The following PDE1C variants were observed in gnomAD, a reference collection of about 807,000 sequenced individuals.
The protein encoded by PDE1C is dual specificity calcium/calmodulin-dependent 3',5'-cyclic nucleotide phosphodiesterase 1C.
In PDE1C, 62 loss-of-function variants were observed where a neutral mutation model predicts 93.1. The ratio of observed to expected loss-of-function variants is 0.67; its 90% CI spans 0.54 to 0.82. The LOEUF (loss-of-function observed/expected upper bound fraction) is 0.82. Ranked by LOEUF, PDE1C falls within the 40% of genes least tolerant of loss-of-function variation. The pLI, the probability that PDE1C is intolerant of heterozygous loss-of-function variation, is 0.00. For synonymous variants in PDE1C, 325 were observed against 310.1 expected, an observed-to-expected ratio of 1.05 and a Z score of -0.50; for missense variants, 742 against 884.6, an observed-to-expected ratio of 0.84 and a Z score of 2.04.
intron 1 of PDE1C, among the ~76,000 whole-genome samples, chr7:32,246,190 A>G (rs1001205280): frequency 6.6e-5 from 10 of 151,860 alleles, no homozygotes; most frequent in African/African-American, 2.2e-4. Context: ...GCTGGTCTCA[A>G]ATTCCTGGGC....
At chr7:31,628,157 A>G in the PDE1C span, among the ~76,000 whole-genome samples, 5 of 152,216 alleles carry the variant, frequency 3.3e-5, no homozygotes, top group African/African-American at 9.6e-5. Context: ...GCCATTTTCA[A>G]AAAGTGCCCT....
chr7:31,643,584 T>A, the PDE1C span: 1 of 1,614,030 alleles, frequency 6.2e-7, no homozygotes, highest in Non-Finnish European at 8.5e-7. Context: ...TAGAATGCAC[T>A]GTGTGTGATC....
intron 2 of PDE1C, among the ~76,000 whole-genome samples, chr7:31,976,301 G>C (rs1811656018): frequency 1.3e-5 from 2 of 152,152 alleles, no homozygotes; most frequent in African/African-American, 2.4e-5. Context: ...AATGATATAT[G>C]AAAGGATAAA....
intron 5 of PDE1C, among the ~76,000 whole-genome samples, chr7:31,873,893 T>A (rs1332347753): frequency 1.3e-5 from 2 of 152,210 alleles, no homozygotes; most frequent in African/African-American, 2.4e-5. Flanking sequence ...CAGCCTACGA[T>A]GCTTCTCTTC....
rs917007105 is a variant in PDE1C, at chr7:32,247,038, T to A, written c.86-37499A>T. ...AACCTTATAGGGTCAATACTGTAAG[T>A]ACATAAATTAGTGCTGTGGAAATCC... On this transcript the variant is annotated intron_variant, in intron 1 of 18. Transcript: ENST00000396193. Among the ~76,000 whole-genome samples, 5 of 152,188 alleles carry A rather than the reference T, an allele frequency of 3.3e-5. No individual in the cohort carries two copies. The South Asian group carries it at 6.2e-4, about 19-fold the overall frequency.
chr7:32,152,893 A>G (rs984793165), intron 3 of PDE1C, among the ~76,000 whole-genome samples: 1 of 152,216 alleles, frequency 6.6e-6, no homozygotes, highest in African/African-American at 2.4e-5. Flanking sequence ...TAAGGCATAG[A>G]TATTAAGACT....
At chr7:31,912,240 TCA>T (rs376287848) in intron 2 of PDE1C, among the ~76,000 whole-genome samples, 38 of 152,302 alleles carry the variant, frequency 2.5e-4, no homozygotes, top group African/African-American at 6.7e-4. Flanking sequence ...CCTTACAATC[TCA>T]CAGTTTTATT....
intron 3 of PDE1C, among the ~76,000 whole-genome samples, chr7:32,085,534 G>T (rs927595825): frequency 6.7e-6 from 1 of 148,798 alleles, no homozygotes; most frequent in African/African-American, 2.5e-5. Flanking sequence ...ACCAAAGCCA[G>T]TCAGAGACAC....
chr7:31,876,180 T>G (rs1285462685), intron 5 of PDE1C, among the ~76,000 whole-genome samples: 1 of 152,078 alleles, frequency 6.6e-6, no homozygotes, highest in Non-Finnish European at 1.5e-5. Context: ...GGAAAAAACA[T>G]TACATTGTAA....
At chr7:32,203,437 C>T (rs1291376717) in intron 2 of PDE1C, among the ~76,000 whole-genome samples, 3 of 152,064 alleles carry the variant, frequency 2.0e-5, no homozygotes, top group Non-Finnish European at 4.4e-5. Context: ...CAGCGATCAC[C>T]CCACTGCACA....
At chr7:32,411,706 T>C (rs879544446) in intron 1 of PDE1C, among the ~76,000 whole-genome samples, 4 of 152,164 alleles carry the variant, frequency 2.6e-5, no homozygotes, top group Admixed American at 1.3e-4. Flanking sequence ...CTTTCCTCAG[T>C]AATAAGCTAA....
chr7:32,151,283 C>T (rs1801238039), intron 3 of PDE1C, among the ~76,000 whole-genome samples: 1 of 152,184 alleles, frequency 6.6e-6, no homozygotes, highest in South Asian at 2.1e-4. Context: ...CACTTACCAA[C>T]TGTTCCCATG....
chr7:32,105,642 A>C (rs1798261328), intron 3 of PDE1C, among the ~76,000 whole-genome samples: 2 of 151,002 alleles, frequency 1.3e-5, no homozygotes, highest in Middle Eastern at 3.5e-3. Flanking sequence ...AACTCAATCC[A>C]TCCTCCCTCT....
chr7:32,012,108 A>G (rs1169977995), intron 2 of PDE1C, among the ~76,000 whole-genome samples: 2 of 152,252 alleles, frequency 1.3e-5, no homozygotes, highest in Admixed American at 6.5e-5. Context: ...TTAATTTCAC[A>G]TAACTATAAA....
intron 16 of PDE1C, among the ~76,000 whole-genome samples, chr7:31,806,417 T>C (rs1786831241): frequency 6.6e-6 from 1 of 151,996 alleles, no homozygotes; most frequent in Non-Finnish European, 1.5e-5. Context: ...TAAAGATGAT[T>C]AGAATCTTGG....
At chr7:31,738,886 A>T in the PDE1C span, among the ~76,000 whole-genome samples, 1 of 152,090 alleles carries the variant, frequency 6.6e-6, no homozygotes, top group Non-Finnish European at 1.5e-5. Context: ...GTATGTGATG[A>T]ACTAGCACAG....
rs73686974 is a variant in PDE1C at position 31,810,090 on chromosome 7, G to A, written c.1814-982C>T. Among the ~76,000 whole-genome samples, 98 of 152,156 alleles carry A rather than the reference G, an allele frequency of 6.4e-4. 1 individual carries two copies. Among genetic ancestry groups the A allele is most frequent in the African/African-American group, 2.3e-3 (96 of 41,528 alleles). On this transcript the variant is annotated intron_variant, in intron 15 of 17. Coordinates refer to ENST00000396191, the MANE Select transcript of PDE1C (RefSeq NM_001191057.4). ...CAAAGCCAGAAATATTTTCTCTCTGGTTCTTTACAGTATAACAGTGCTGCA... is the reference window on the plus strand; with the variant it reads ...CAAAGCCAGAAATATTTTCTCTCTGATTCTTTACAGTATAACAGTGCTGCA...
chr7:32,184,797 A>AAAAAT (rs888725898), intron 2 of PDE1C, among the ~76,000 whole-genome samples: 61 of 152,258 alleles, frequency 4.0e-4, no homozygotes, highest in Admixed American at 3.0e-3. Context: ...AAGTATAATA[A>AAAAAT]AAAATAAAAT....
intron 1 of PDE1C, among the ~76,000 whole-genome samples, chr7:32,382,218 A>G (rs376737): frequency 0.96 from 145,764 of 152,098 alleles, 69,947 homozygotes; most frequent in East Asian, 1. Flanking sequence ...AAATTGATGA[A>G]GCGCCGCCAT....
Sources: gnomAD v4.1 joint callset for allele counts (sites outside exome capture counted in the v4.1 genomes callset) on GRCh38, gnomAD v4.1.1 for gene constraint, MANE v1.5 for transcripts, NCBI Gene and HGNC (gene_info 2026-07-23, HGNC 2026-07-21) for gene names.